C17orf75: variants seen among roughly 807,000 people sequenced by gnomAD.
C17orf75 encodes the protein protein Njmu-R1.
A neutral mutation model predicts 49.6 loss-of-function variants in C17orf75; 32 were observed. The ratio of observed to expected loss-of-function variants is 0.65; its 90% CI spans 0.49 to 0.87. C17orf75 has a LOEUF of 0.87. C17orf75 is among the 40% of genes least tolerant of loss of function. The pLI, the probability that C17orf75 is intolerant of heterozygous loss-of-function variation, is 0.00. For synonymous variants in C17orf75, 158 were observed against 159.5 expected (o/e 0.99, Z 0.07); for missense variants, 428 against 473.9 (o/e 0.90, Z 0.90).
intron 1 of C17orf75, among the ~76,000 whole-genome samples, chr17:32,347,273 C>A (rs2041431980): frequency 6.6e-6 from 1 of 150,716 alleles, no homozygotes; most frequent in Non-Finnish European, 1.5e-5. Flanking sequence ...AATTTTATTT[C>A]TTTTCTTTCT....
At position 32,334,765 on chromosome 17, in the gene C17orf75, T is replaced by C. The variant is rs2041309982; in HGVS notation, c.734+10A>G. The C allele has an allele frequency of 6.3e-7, 1 of 1,591,956 alleles. No homozygotes were observed. The highest frequency in any genetic ancestry group is 8.6e-7 in the Non-Finnish European group (1 of 1,167,600). ...GAAAAGCTTTTCTCTTTGAAAAAAC[T>C]GTTCTTTACCTGTTAATGTCTCTCT... is the stretch of plus-strand genomic sequence containing the variant. On this transcript the variant is annotated intron_variant, in intron 7 of 9. Transcript: ENST00000577809.
chr17:32,334,423 G>A, intron 8 of C17orf75, 46 bp downstream of exon 8: 1 of 1,581,300 alleles, frequency 6.3e-7, no homozygotes, highest in Middle Eastern at 1.7e-4. Context: ...CAAAGATGGG[G>A]ACTCGCAAGA....
Position 32,333,614 on chromosome 17 carries a change from G to A in C17orf75, c.872-94C>T, listed in dbSNP as rs1055036284. 1.9e-5 allele frequency: 21 copies of A among 1,117,228 alleles called. No homozygotes were observed. In the African/African-American group the frequency reaches 1.9e-4, roughly 10 times the overall value. The allele number at this position is 1,117,228 out of a possible 1,614,324, so 69.2% of individuals were successfully genotyped here. On this transcript the variant is annotated intron_variant, in intron 8 of 9. Coordinates refer to ENST00000577809, the MANE Select transcript of C17orf75 (RefSeq NM_022344.4). ...GACGGGAGATTCGCTCTTGTTGCCCGGCTGGAGTGCAGCCGGAGTACTAAC... is the reference window on the plus strand; with the variant it reads ...GACGGGAGATTCGCTCTTGTTGCCCAGCTGGAGTGCAGCCGGAGTACTAAC...
At chr17:32,342,252 T>C, upstream of C17orf75, 2 of 1,365,832 alleles carry the variant, frequency 1.5e-6, no homozygotes, top group East Asian at 6.1e-5. Flanking sequence ...TGCGTTCCGC[T>C]GGTTTCCCCG....
chr17:32,334,467 A>G lies in C17orf75; in HGVS notation c.871+2T>C. 1.2e-6 allele frequency: 2 copies of G among 1,610,978 alleles called. No individual in the cohort carries two copies. Among genetic ancestry groups the G allele is most frequent in the Non-Finnish European group, 1.7e-6 (2 of 1,178,722 alleles). On this transcript the variant is annotated splice_donor_variant, in intron 8 of 9. Transcript: ENST00000577809. LOFTEE classifies it high-confidence loss of function. ...AAGGCTGCTTCAGAGGTTGTAGCTC[A>G]CCTGCATTGCAGAACTGAGGCTGGG...
rs543645372 is a variant in C17orf75 at position 32,333,467 on chromosome 17, C to T, written c.925G>A (p.Gly309Arg). ...TGTCGGAAAAGAAAAGGGTTACCTC[C>T]TTTGGCACCATTTAAAAAAGCTTGC... Reference protein sequence around the residue: ...WMQAFLNGAKGGNPFLFRQVL... With the variant: ...WMQAFLNGAKRGNPFLFRQVL... Residue 309 changes from glycine to arginine, a missense_variant, in exon 9 of 10, where the codon GGA becomes AGA. Transcript: ENST00000577809. 48 of 1,613,546 alleles carry T rather than the reference C, an allele frequency of 3.0e-5. No individual in the cohort carries two copies. Among genetic ancestry groups the T allele is most frequent in the Admixed American group, 1.0e-4 (6 of 59,942 alleles).
chr17:32,336,507 C>G (rs555379757), intron 5 of C17orf75, among the ~76,000 whole-genome samples: 1 of 152,298 alleles, frequency 6.6e-6, no homozygotes, highest in Admixed American at 6.5e-5. Flanking sequence ...AGCCACCACA[C>G]CCAGCCAGTT....
At chr17:32,346,399 G>C (rs2041425540), upstream of C17orf75, among the ~76,000 whole-genome samples, 1 of 152,016 alleles carries the variant, frequency 6.6e-6, no homozygotes, top group South Asian at 2.1e-4. Flanking sequence ...TACCAGCCTG[G>C]GCCACCGAAA....
chr17:32,348,853 C>T (rs1244586679), intron 1 of C17orf75, among the ~76,000 whole-genome samples: 1 of 148,434 alleles, frequency 6.7e-6, no homozygotes, highest in African/African-American at 2.5e-5. Flanking sequence ...AGCACCTTCA[C>T]TGACAGCTCC....
At chr17:32,347,102 A>C (rs2041430986), upstream of C17orf75, among the ~76,000 whole-genome samples, 1 of 151,954 alleles carries the variant, frequency 6.6e-6, no homozygotes, top group East Asian at 1.9e-4. Flanking sequence ...CTGGGATGAC[A>C]GGCACCCACC....
At chr17:32,345,335 G>C (rs545350619), upstream of C17orf75, among the ~76,000 whole-genome samples, 102 of 151,064 alleles carry the variant, frequency 6.8e-4, no homozygotes, top group Middle Eastern at 7.0e-3. Flanking sequence ...AATTAGCCAG[G>C]CCTGGTGGTG....
intron 1 of C17orf75, 192 bp downstream of exon 1, chr17:32,341,808 C>T: frequency 9.4e-7 from 1 of 1,060,626 alleles, no homozygotes; most frequent in Non-Finnish European, 1.1e-6. Context: ...TACAAGTCCA[C>T]GACGGGGGCC....
At position 32,331,972 on chromosome 17, in the gene C17orf75, G is replaced by T; in HGVS notation, c.982C>A (p.Gln328Lys). Reference protein sequence around the residue: ...VLENFKLKAIQDTNNLKRFIR... With the variant: ...VLENFKLKAIKDTNNLKRFIR... The stretch of plus-strand genomic sequence containing the variant: ...AATCTCTTCAAATTGTTTGTGTCTT[G>T]TATGGCCTAGAAAATGATTACCCAG... Residue 328 changes from glutamine (Q) to lysine (K), a missense_variant, in exon 10 of 10, where the codon CAA (glutamine) becomes AAA (lysine). Coordinates refer to ENST00000577809, the MANE Select transcript of C17orf75 (RefSeq NM_022344.4). The T allele has an allele frequency of 6.2e-7, 1 of 1,608,398 alleles. No homozygotes were observed.
In C17orf75 at chr17:32,338,368, A is replaced by G; in HGVS notation, c.348-17T>C. ...CCTGGAATTCTAGAAAAGAAAGAAA[A>G]TGTAAAATGCATTATTTTGGTTACT... is the stretch of plus-strand genomic sequence containing the variant. On this transcript the variant is annotated splice_polypyrimidine_tract_variant and intron_variant, in intron 3 of 9. Transcript: ENST00000577809. 2 of 1,596,280 alleles carry G rather than the reference A, an allele frequency of 1.3e-6. No homozygotes were observed. Among genetic ancestry groups the G allele is most frequent in the Non-Finnish European group, 8.5e-7 (1 of 1,175,112 alleles).
At chr17:32,347,865 A>T (rs546088292) in intron 1 of C17orf75, among the ~76,000 whole-genome samples, 1 of 152,154 alleles carries the variant, frequency 6.6e-6, no homozygotes, top group East Asian at 1.9e-4. Context: ...ACGGTTTTAA[A>T]CTTTTTCATT....
Position 32,333,445 on chromosome 17 carries a change from C to T in C17orf75, c.947G>A (p.Arg316Gln), listed in dbSNP as rs745786199. Residue 316 changes from arginine (R) to glutamine (Q), a missense_variant, in exon 9 of 10, where the codon CGA (arginine) becomes CAA (glutamine). Arg to Gln is a conservative substitution (Grantham distance 43, BLOSUM62 1). Coordinates refer to ENST00000577809, the MANE Select transcript of C17orf75 (RefSeq NM_022344.4). ...TAGTTTAAAGTTCTCCAGTACTTGT[C>T]GGAAAAGAAAAGGGTTACCTCCTTT... ...GAKGGNPFLF[R>Q]QVLENFKLKA... is the part of the protein sequence containing the mutation. 57 of 1,612,762 alleles carry T rather than the reference C, an allele frequency of 3.5e-5. No individual in the cohort carries two copies. The Middle Eastern group carries it at 1.2e-3, about 33-fold the overall frequency.
intron 1 of C17orf75, 55 bp from the exon 2 acceptor site, chr17:32,341,339 G>A: frequency 6.3e-7 from 1 of 1,578,746 alleles, no homozygotes; most frequent in Middle Eastern, 1.7e-4. Flanking sequence ...ACCAAGAGGA[G>A]TATGGGGGCC....
At chr17:32,341,729 A>C in intron 1 of C17orf75, 1 of 916,964 alleles carries the variant, frequency 1.1e-6, no homozygotes, top group African/African-American at 1.8e-5. Flanking sequence ...AACAAAGGGC[A>C]GCCGCGAGAG....
upstream of C17orf75, among the ~76,000 whole-genome samples, chr17:32,342,760 AC>A (rs2041393601): frequency 1.3e-5 from 2 of 152,168 alleles, no homozygotes; most frequent in Non-Finnish European, 2.9e-5. Flanking sequence ...ACATGGTGAA[AC>A]TGTGTCTCTA....
Sources: allele counts gnomAD v4.1 joint callset (sites outside exome capture counted in the v4.1 genomes callset), GRCh38; gene constraint gnomAD v4.1.1; transcripts MANE v1.5; gene names NCBI Gene and HGNC (gene_info 2026-07-23, HGNC 2026-07-21).